The following ANKFN1 variants were observed in gnomAD, a reference collection of about 807,000 sequenced individuals.
ANKFN1 encodes the protein ankyrin repeat and fibronectin type III domain containing 1, also known as ankyrin repeat and fibronectin type-III domain-containing protein 1.
ANKFN1 carries 74 observed loss-of-function variants against 108.7 expected under a neutral mutation model. That is an observed-to-expected ratio of 0.68 (90% CI 0.56 to 0.83). The LOEUF (loss-of-function observed/expected upper bound fraction) is 0.83, where lower values mean the gene tolerates loss of function less well. ANKFN1 is among the 40% of genes least tolerant of loss of function. The pLI is 0.00. For synonymous variants in ANKFN1, 547 were observed against 516.2 expected, an observed-to-expected ratio of 1.06 and a Z score of -0.81; for missense variants, 1,505 against 1,382.3, an observed-to-expected ratio of 1.09 and a Z score of -1.41.
At chr17:56,285,244 A>G (rs1327036466) in intron 3 of ANKFN1, among the ~76,000 whole-genome samples, 1 of 152,140 alleles carries the variant, frequency 6.6e-6, no homozygotes, top group Non-Finnish European at 1.5e-5. Context: ...GTCTCTAAAG[A>G]GTATGAGGCA....
At chr17:56,074,673 T>C (rs1343088602) in intron 4 of ANKFN1, among the ~76,000 whole-genome samples, 1 of 152,204 alleles carries the variant, frequency 6.6e-6, no homozygotes, top group Non-Finnish European at 1.5e-5. Flanking sequence ...TAATTGCTGT[T>C]CCATCAGCTC....
intron 3 of ANKFN1, among the ~76,000 whole-genome samples, chr17:56,281,896 T>C (rs1365660970): frequency 6.6e-6 from 1 of 152,188 alleles, no homozygotes; most frequent in African/African-American, 2.4e-5. Flanking sequence ...GAGTATAAAA[T>C]GGAATCATTA....
At chr17:56,333,582 C>T (rs1009643098) in intron 4 of ANKFN1, among the ~76,000 whole-genome samples, 1 of 152,002 alleles carries the variant, frequency 6.6e-6, no homozygotes, top group Non-Finnish European at 1.5e-5. Flanking sequence ...ATTTTGCTAA[C>T]GTTTTGTTGA....
At chr17:56,324,571 G>A (rs2045463531) in intron 3 of ANKFN1, among the ~76,000 whole-genome samples, 1 of 152,106 alleles carries the variant, frequency 6.6e-6, no homozygotes. Context: ...CTGCATTCAA[G>A]CCAAAATTTT....
chr17:56,127,727 C>A (rs1030311647), intron 4 of ANKFN1, among the ~76,000 whole-genome samples: 2 of 152,202 alleles, frequency 1.3e-5, no homozygotes, highest in African/African-American at 4.8e-5. Context: ...AGCCTGAAGC[C>A]AGTGCCAAAA....
chr17:56,062,090 G>T (rs1028880984), intron 4 of ANKFN1, among the ~76,000 whole-genome samples: 4 of 152,214 alleles, frequency 2.6e-5, no homozygotes, highest in Non-Finnish European at 2.9e-5. Flanking sequence ...AGTGTGGCCT[G>T]AGAGACTGTT....
intron 4 of ANKFN1, among the ~76,000 whole-genome samples, chr17:56,054,862 G>T (rs536820446): frequency 6.6e-6 from 1 of 152,036 alleles, no homozygotes; most frequent in South Asian, 2.1e-4. Flanking sequence ...CTCCAGCCTG[G>T]GTGACAGAGC....
chr17:56,233,441 C>G (rs1007257283), intron 3 of ANKFN1, among the ~76,000 whole-genome samples: 2 of 152,038 alleles, frequency 1.3e-5, no homozygotes, highest in Admixed American at 6.6e-5. Flanking sequence ...TTACATTCCA[C>G]AGCAAAATAT....
intron 4 of ANKFN1, among the ~76,000 whole-genome samples, chr17:56,053,946 T>A (rs1356437227): frequency 6.6e-6 from 1 of 152,232 alleles, no homozygotes; most frequent in East Asian, 1.9e-4. Context: ...TTAGTGCGCC[T>A]GCCATCCAAG....
rs1318195983 is a variant in ANKFN1, at chr17:56,468,112, G to A, written c.1773+1541G>A. 3.3e-5 allele frequency among the ~76,000 whole-genome samples: 5 copies of A among 152,190 alleles called. No homozygotes were observed. The East Asian group carries it at 7.7e-4, about 23-fold the overall frequency. On this transcript the variant is annotated intron_variant, in intron 15 of 20. Transcript: ENST00000682825. Reference sequence around the variant, plus strand: ...GTCCCTTGGCACACAGCTAGAAAATGACAGAGCTGAGGCTTCAGTTCAGAT... The same window carrying A: ...GTCCCTTGGCACACAGCTAGAAAATAACAGAGCTGAGGCTTCAGTTCAGAT...
At chr17:56,237,009 T>G (rs1917204649) in intron 3 of ANKFN1, among the ~76,000 whole-genome samples, 1 of 152,142 alleles carries the variant, frequency 6.6e-6, no homozygotes, top group African/African-American at 2.4e-5. Flanking sequence ...CTGCATCTAT[T>G]GAGATAATCA....
intron 3 of ANKFN1, among the ~76,000 whole-genome samples, chr17:56,319,248 A>G (rs951711279): frequency 6.6e-6 from 1 of 152,202 alleles, no homozygotes; most frequent in African/African-American, 2.4e-5. Context: ...TTTGATGGGT[A>G]GCTGTACACA....
chr17:56,407,443 G>A (rs2047954373), intron 8 of ANKFN1, among the ~76,000 whole-genome samples: 1 of 152,114 alleles, frequency 6.6e-6, no homozygotes, highest in Non-Finnish European at 1.5e-5. Flanking sequence ...TTAAGAAGTT[G>A]CCCAAGTCTA....
At chr17:56,419,684 TCTA>T (rs2145045263) in intron 8 of ANKFN1, among the ~76,000 whole-genome samples, 1 of 151,424 alleles carries the variant, frequency 6.6e-6, no homozygotes, top group South Asian at 2.1e-4. Flanking sequence ...ACCTGTAGTA[TCTA>T]CTACTACAGC....
chr17:56,342,500 TG>T (rs1366453557), intron 4 of ANKFN1, among the ~76,000 whole-genome samples: 3 of 152,084 alleles, frequency 2.0e-5, no homozygotes, highest in Non-Finnish European at 4.4e-5. Context: ...ATTGTATTTT[TG>T]TTCTCATTAG....
At chr17:56,232,287 A>G (rs532245996) in intron 3 of ANKFN1, among the ~76,000 whole-genome samples, 1 of 152,170 alleles carries the variant, frequency 6.6e-6, no homozygotes, top group Non-Finnish European at 1.5e-5. Context: ...AATACTGCTG[A>G]GATGGCTGAC....
At chr17:56,259,946 ACT>A (rs929168564) in intron 3 of ANKFN1, among the ~76,000 whole-genome samples, 2 of 148,694 alleles carry the variant, frequency 1.3e-5, no homozygotes, top group South Asian at 2.1e-4. Context: ...ACACACACAC[ACT>A]CTTTTCAAAT....
chr17:56,340,049 T>C lies in ANKFN1; in HGVS notation c.189-10717T>C, dbSNP rs2045919671. Among the ~76,000 whole-genome samples the C allele has an allele frequency of 1.3e-5, 2 of 152,208 alleles. 1 individual carries two copies. Among genetic ancestry groups the C allele is most frequent in the African/African-American group, 4.8e-5 (2 of 41,448 alleles). ...GTGGTTTTGATTTGTATTTCTCTAA[T>C]GATTAGTAATGATGAGCTTTTTTCA... On this transcript the variant is annotated intron_variant, in intron 4 of 20. Coordinates refer to ENST00000682825, the MANE Select transcript of ANKFN1 (RefSeq NM_001370326.1).
chr17:56,356,591 AG>A (rs1263677809), intron 6 of ANKFN1, among the ~76,000 whole-genome samples: 7 of 152,212 alleles, frequency 4.6e-5, no homozygotes, highest in Non-Finnish European at 5.9e-5. Context: ...TGGATTCAGT[AG>A]GATTTGAGCT....
Sources: allele counts gnomAD v4.1 joint callset (sites outside exome capture counted in the v4.1 genomes callset), GRCh38; gene constraint gnomAD v4.1.1; transcripts MANE v1.5; gene names NCBI Gene and HGNC (gene_info 2026-07-23, HGNC 2026-07-21).